The following ZBTB20 variants were observed in gnomAD, a reference collection of about 807,000 sequenced individuals.
The protein encoded by ZBTB20 is zinc finger and BTB domain containing 20.
A neutral mutation model predicts 56.9 loss-of-function variants in ZBTB20; 9 were observed. The ratio of observed to expected loss-of-function variants is 0.16; its 90% confidence interval spans 0.10 to 0.28. The LOEUF (loss-of-function observed/expected upper bound fraction) is 0.28. Ranked by LOEUF, ZBTB20 falls within the 10% of genes least tolerant of loss-of-function variation. ZBTB20 has a pLI of 1.00. For missense variants in ZBTB20, 655 were observed against 1,003.0 expected (o/e 0.65, Z 4.69); for synonymous variants, 417 against 420.7 (o/e 0.99, Z 0.11).
At chr3:114,887,506 A>G (rs1165966805) in intron 4 of ZBTB20, among the ~76,000 whole-genome samples, 1 of 152,112 alleles carries the variant, frequency 6.6e-6, no homozygotes, top group Non-Finnish European at 1.5e-5. Flanking sequence ...TATGCTTTTA[A>G]TAGGAGGAGA....
chr3:114,455,508 T>C (rs559646695), intron 7 of ZBTB20, among the ~76,000 whole-genome samples: 1 of 152,134 alleles, frequency 6.6e-6, no homozygotes, highest in Non-Finnish European at 1.5e-5. Context: ...TTAGGGGTTT[T>C]CGTGTAATGT....
intron 7 of ZBTB20, among the ~76,000 whole-genome samples, chr3:114,498,694 T>C (rs1422471296): frequency 6.6e-6 from 1 of 152,228 alleles, no homozygotes; most frequent in Non-Finnish European, 1.5e-5. Flanking sequence ...CCCCCAGCCT[T>C]ATGTGTGGTT....
chr3:114,342,643 G>T (rs1029042306), intron 11 of ZBTB20, among the ~76,000 whole-genome samples: 8 of 152,144 alleles, frequency 5.3e-5, no homozygotes, highest in African/African-American at 1.9e-4. Flanking sequence ...TTTGAAAATT[G>T]AAGAGATAAA....
At position 114,700,725 on chromosome 3, in the gene ZBTB20, T is replaced by C. The variant is rs551338851; in HGVS notation, c.-342-7150A>G. Among the ~76,000 whole-genome samples, 6 of 152,264 alleles carry C rather than the reference T, an allele frequency of 3.9e-5. No individual in the cohort carries two copies. The South Asian group carries it at 1.2e-3, about 32-fold the overall frequency. On this transcript the variant is annotated intron_variant, in intron 5 of 11. Coordinates refer to ENST00000675478, the MANE Select transcript of ZBTB20 (RefSeq NM_001348800.3). Reference sequence around the variant, plus strand: ...AAGACCTGCACACTAAAATTGTAGTTACACAGAAAAAGAACTCTGAGGAGG... The same window carrying C: ...AAGACCTGCACACTAAAATTGTAGTCACACAGAAAAAGAACTCTGAGGAGG...
At chr3:114,620,643 G>T (rs1055005988) in intron 6 of ZBTB20, among the ~76,000 whole-genome samples, 2 of 152,182 alleles carry the variant, frequency 1.3e-5, no homozygotes, top group Non-Finnish European at 2.9e-5. Context: ...GCACTGACAT[G>T]TAGATATCCA....
chr3:115,118,546 T>TA (rs1192770997), intron 1 of ZBTB20, among the ~76,000 whole-genome samples: 151 of 150,464 alleles, frequency 1.0e-3, no homozygotes, highest in Middle Eastern at 3.5e-3. Flanking sequence ...TCCCCTATTT[T>TA]AAAAAAAAAG....
At position 114,773,648 on chromosome 3, in the gene ZBTB20, A is replaced by C. The variant is rs1209803538; in HGVS notation, c.-343+27453T>G. Among the ~76,000 whole-genome samples the C allele has an allele frequency of 2.0e-5, 3 of 152,130 alleles. No individual in the cohort carries two copies. The East Asian group carries it at 5.8e-4, about 29-fold the overall frequency. Reference sequence around the variant, plus strand: ...TAACAGTGCAACATTACTCAAACCAACTAAATCCACTCTCTTCAACAGGAA... The same window carrying C: ...TAACAGTGCAACATTACTCAAACCACCTAAATCCACTCTCTTCAACAGGAA... On this transcript the variant is annotated intron_variant, in intron 5 of 11. Transcript: ENST00000675478.
rs56339103 is a variant in ZBTB20 at position 114,409,125 on chromosome 3, CTTTTTT to C, written c.-254-20026_-254-20021del. Among the ~76,000 whole-genome samples the C allele has an allele frequency of 3.1e-3, 225 of 71,980 alleles. 9 individuals are homozygous for C. The South Asian group carries it at 0.066, about 21-fold the overall frequency. The allele number at this position is 71,980 out of a possible 152,430, so 47.2% of individuals were successfully genotyped here. A position where few individuals can be genotyped will look rare whatever the true frequency, so the allele number is the denominator to read the frequency against. On this transcript the variant is annotated intron_variant, in intron 7 of 11. Transcript: ENST00000675478. ...TTCTAAGAGGGGGAAAAAGGGAAGA[CTTTTTT>C]TTTTTTTTTTTTTTTTTTTTTTCTG...
intron 2 of ZBTB20, among the ~76,000 whole-genome samples, chr3:115,040,204 C>T (rs747292139): frequency 6.6e-6 from 1 of 152,056 alleles, no homozygotes; most frequent in Non-Finnish European, 1.5e-5. Flanking sequence ...CACTGTCATT[C>T]ATTCAACAGA....
At chr3:114,733,501 G>A (rs1021738111) in intron 5 of ZBTB20, among the ~76,000 whole-genome samples, 2 of 152,116 alleles carry the variant, frequency 1.3e-5, no homozygotes, top group Admixed American at 6.6e-5. Flanking sequence ...TTCTTTTATA[G>A]ACTTGAAAGT....
At chr3:114,979,786 C>T (rs1040399050) in intron 2 of ZBTB20, among the ~76,000 whole-genome samples, 8 of 152,122 alleles carry the variant, frequency 5.3e-5, no homozygotes, top group Non-Finnish European at 1.0e-4. Flanking sequence ...CATCCATAAT[C>T]ATGCATCCTA....
chr3:114,867,140 G>C (rs767802731), intron 4 of ZBTB20, among the ~76,000 whole-genome samples: 2 of 152,164 alleles, frequency 1.3e-5, no homozygotes, highest in Non-Finnish European at 2.9e-5. Flanking sequence ...ATAATGTTCT[G>C]TGGGCACTCG....
intron 7 of ZBTB20, among the ~76,000 whole-genome samples, chr3:114,482,950 A>G (rs2041717490): frequency 6.6e-6 from 1 of 152,234 alleles, no homozygotes; most frequent in Admixed American, 6.5e-5. Flanking sequence ...GCTTTATACT[A>G]TAGACCTGCA....
At chr3:114,628,550 C>T (rs1168588240) in intron 6 of ZBTB20, among the ~76,000 whole-genome samples, 1 of 152,100 alleles carries the variant, frequency 6.6e-6, no homozygotes, top group Non-Finnish European at 1.5e-5. Flanking sequence ...ATCTGAGGAC[C>T]AGCACTGGCA....
chr3:114,849,902 T>TTC (rs1260187061), intron 4 of ZBTB20, among the ~76,000 whole-genome samples: 3 of 146,602 alleles, frequency 2.0e-5, no homozygotes, highest in African/African-American at 7.5e-5. Flanking sequence ...GGAAATCTTT[T>TTC]TTTTTTTTTT....
At chr3:114,474,379 T>C (rs558864188) in intron 7 of ZBTB20, among the ~76,000 whole-genome samples, 1 of 152,254 alleles carries the variant, frequency 6.6e-6, no homozygotes, top group East Asian at 1.9e-4. Flanking sequence ...ACACCACTTA[T>C]GTGGCATTCC....
chr3:114,315,531 G>A lies in ZBTB20; in HGVS notation c.*23474C>T, dbSNP rs2078645324. On this transcript the variant is annotated 3_prime_UTR_variant, in exon 12 of 12. Coordinates refer to ENST00000675478, the MANE Select transcript of ZBTB20 (RefSeq NM_001348800.3). ...GTTTTAGGTCACATAAACATACAGT[G>A]TGTGCGTGGGTGTGTGTATTTTAGG... is the stretch of plus-strand genomic sequence containing the variant. 6.6e-6 allele frequency: 1 copy of A among 152,290 alleles called. No individual in the cohort carries two copies. Among genetic ancestry groups the A allele is most frequent in the South Asian group, 2.1e-4 (1 of 4,792 alleles). 9.4% of individuals were successfully genotyped at this position (152,290 alleles called of 1,614,324 possible).
chr3:114,953,021 T>C (rs546253488), intron 3 of ZBTB20, among the ~76,000 whole-genome samples: 1 of 152,222 alleles, frequency 6.6e-6, no homozygotes, highest in Non-Finnish European at 1.5e-5. Context: ...AATTACAACA[T>C]TATCTGACGG....
At chr3:114,446,174 T>C (rs1032355249) in intron 7 of ZBTB20, among the ~76,000 whole-genome samples, 1 of 152,168 alleles carries the variant, frequency 6.6e-6, no homozygotes, top group African/African-American at 2.4e-5. Context: ...ACTGTTTATA[T>C]GTTATAAGGT....
Sources: gnomAD v4.1 joint callset for allele counts (sites outside exome capture counted in the v4.1 genomes callset) on GRCh38, gnomAD v4.1.1 for gene constraint, MANE v1.5 for transcripts, NCBI Gene and HGNC (gene_info 2026-07-23, HGNC 2026-07-21) for gene names.